The following CRACDL variants were observed in gnomAD, a reference collection of about 807,000 sequenced individuals.
CRACDL encodes the protein CRACD like, also known as CRACD-like protein.
In CRACDL, 26 loss-of-function variants were observed where a neutral mutation model predicts 70.6. The observed-to-expected ratio is 0.37, with a 90% confidence interval of 0.27 to 0.51. The LOEUF (loss-of-function observed/expected upper bound fraction) is 0.51, where lower values mean the gene tolerates loss of function less well. CRACDL is among the 20% of genes least tolerant of loss of function. The pLI is 0.94. For synonymous variants in CRACDL, 618 were observed against 615.2 expected (o/e 1.00, Z -0.07); for missense variants, 1,283 against 1,376.9 (o/e 0.93, Z 1.08).
chr2:98,897,889 C>T (rs765456305), intron 1 of CRACDL, among the ~76,000 whole-genome samples: 7 of 152,204 alleles, frequency 4.6e-5, no homozygotes, highest in Non-Finnish European at 4.4e-5. Context: ...ATCCCAGTTG[C>T]GGAGCCCACT....
At chr2:98,935,087 C>A (rs1223751584) in intron 1 of CRACDL, among the ~76,000 whole-genome samples, 1 of 152,210 alleles carries the variant, frequency 6.6e-6, no homozygotes, top group Admixed American at 6.5e-5. Flanking sequence ...GGGGTCTACA[C>A]AGATTCTAGT....
intron 1 of CRACDL, among the ~76,000 whole-genome samples, chr2:98,855,840 A>G (rs754405404): frequency 7.2e-5 from 11 of 152,236 alleles, no homozygotes; most frequent in Non-Finnish European, 1.5e-4. Flanking sequence ...AAGTACAATA[A>G]GTGAAATGAG....
At chr2:98,919,468 A>C (rs1364157543) in intron 1 of CRACDL, among the ~76,000 whole-genome samples, 1 of 152,216 alleles carries the variant, frequency 6.6e-6, no homozygotes, top group Non-Finnish European at 1.5e-5. Flanking sequence ...TTTATGTTGC[A>C]GACTTTTTTT....
chr2:98,811,071 A>C (rs1341228437), intron 7 of CRACDL, among the ~76,000 whole-genome samples: 1 of 152,078 alleles, frequency 6.6e-6, no homozygotes, highest in Non-Finnish European at 1.5e-5. Flanking sequence ...ACGTGCCTAG[A>C]TATGCATGCC....
chr2:98,804,119 C>A (rs372267615), intron 7 of CRACDL, among the ~76,000 whole-genome samples: 10 of 152,200 alleles, frequency 6.6e-5, no homozygotes, highest in African/African-American at 2.4e-4. Context: ...GTCCCAGAGC[C>A]AGGCTGTGTG....
intron 1 of CRACDL, among the ~76,000 whole-genome samples, chr2:98,876,585 C>A (rs1707494140): frequency 6.6e-6 from 1 of 152,192 alleles, no homozygotes; most frequent in African/African-American, 2.4e-5. Flanking sequence ...TGAGGTGGAA[C>A]AACTTTATTC....
At chr2:98,895,956 G>C (rs926956546) in intron 1 of CRACDL, among the ~76,000 whole-genome samples, 6 of 152,300 alleles carry the variant, frequency 3.9e-5, no homozygotes, top group African/African-American at 1.4e-4. Context: ...CTACGAACCA[G>C]AAAGTGGATT....
intron 1 of CRACDL, among the ~76,000 whole-genome samples, chr2:98,873,362 C>A (rs541952598): frequency 6.6e-6 from 1 of 152,336 alleles, no homozygotes; most frequent in East Asian, 1.9e-4. Flanking sequence ...CTGCCCAAGG[C>A]CACAAGGCAA....
intron 1 of CRACDL, among the ~76,000 whole-genome samples, chr2:98,923,536 C>T (rs939624957): frequency 6.6e-6 from 1 of 152,158 alleles, no homozygotes; most frequent in African/African-American, 2.4e-5. Context: ...CTTTGAGAGG[C>T]TACAAATATT....
chr2:98,866,662 ATTTT>A (rs949179416), intron 1 of CRACDL, among the ~76,000 whole-genome samples: 1 of 144,552 alleles, frequency 6.9e-6, no homozygotes, highest in Admixed American at 6.9e-5. Flanking sequence ...AATTTTTTGT[ATTTT>A]TTTTTTAATT....
chr2:98,889,327 GAAAGAAAGAAAGA>G (rs1558624642), intron 1 of CRACDL, among the ~76,000 whole-genome samples: 29 of 97,508 alleles, frequency 3.0e-4, no homozygotes, highest in Non-Finnish European at 2.5e-4. Context: ...AAGAAAGAAA[GAAAGAAAGAAAGA>G]AAGGAAACAG....
intron 1 of CRACDL, among the ~76,000 whole-genome samples, chr2:98,889,320 A>AAAGG (rs1209955265): frequency 2.2e-5 from 2 of 88,980 alleles, no homozygotes; most frequent in Non-Finnish European, 2.3e-5. Context: ...AGAAAGAAAG[A>AAAGG]AAGAAAGAAA....
intron 1 of CRACDL, among the ~76,000 whole-genome samples, chr2:98,889,340 A>AAGG (rs1707901786): frequency 1.7e-4 from 22 of 128,082 alleles, no homozygotes; most frequent in Non-Finnish European, 2.4e-4. Context: ...AGAAAGAAAG[A>AAGG]AAGGAAACAG....
intron 1 of CRACDL, among the ~76,000 whole-genome samples, chr2:98,914,099 T>A (rs950686179): frequency 6.6e-6 from 1 of 152,246 alleles, no homozygotes; most frequent in African/African-American, 2.4e-5. Flanking sequence ...AGAGGCTGGC[T>A]GCCTGCCCAT....
At chr2:98,845,618 T>A (rs1706225018) in intron 2 of CRACDL, among the ~76,000 whole-genome samples, 1 of 152,218 alleles carries the variant, frequency 6.6e-6, no homozygotes, top group Non-Finnish European at 1.5e-5. Context: ...AGATCACTAT[T>A]TGAAAAAAAG....
chr2:98,850,474 A>G (rs1387635544), intron 1 of CRACDL, among the ~76,000 whole-genome samples: 1 of 152,214 alleles, frequency 6.6e-6, no homozygotes, highest in African/African-American at 2.4e-5. Flanking sequence ...CAAATACCCA[A>G]TACCTCCCAG....
Position 98,823,304 on chromosome 2 carries a change from C to T in CRACDL, c.969G>A (p.Glu323=). 1 of 1,437,138 alleles carries T rather than the reference C, an allele frequency of 7.0e-7. No homozygotes were observed. The highest frequency in any genetic ancestry group is 1.5e-5 in the South Asian group (1 of 68,144). 89.0% of individuals were successfully genotyped at this position (1,437,138 alleles called of 1,614,324 possible). A position where few individuals can be genotyped will look rare whatever the true frequency, so the allele number is the denominator to read the frequency against. ...QHSSALTASV[E]EGGVPGEDPS... ...GGTCCTCCCCGGGGACGCCCCCCTC[C>T]TCCACGCTGGCCGTGAGCGCGGAGG... The change falls in exon 7 of 10, where the codon GAG becomes GAA. Residue 323 remains glutamate, a synonymous_variant. Transcript: ENST00000397899. The surrounding 1 kb of genome is among the most constrained non-coding windows in gnomAD (Gnocchi z 4.0).
intron 1 of CRACDL, among the ~76,000 whole-genome samples, chr2:98,903,153 C>A (rs1346528042): frequency 6.6e-6 from 1 of 152,132 alleles, no homozygotes. Flanking sequence ...CAGAAGCCTG[C>A]GGAGAGCTCA....
At chr2:98,815,333 T>G (rs1262658262) in intron 7 of CRACDL, among the ~76,000 whole-genome samples, 1 of 152,230 alleles carries the variant, frequency 6.6e-6, no homozygotes, top group African/African-American at 2.4e-5. Flanking sequence ...CTCATTCTAG[T>G]CAGTTTTATG....
Sources: gnomAD v4.1 joint callset for allele counts (sites outside exome capture counted in the v4.1 genomes callset) on GRCh38, gnomAD v4.1.1 for gene constraint, Gnocchi (gnomAD v3.1) non-coding constraint, MANE v1.5 for transcripts, NCBI Gene and HGNC (gene_info 2026-07-23, HGNC 2026-07-21) for gene names.